Variants in CCDC178 observed in about 807,000 individuals in gnomAD.
CCDC178 encodes coiled-coil domain-containing protein 178.
Under a neutral mutation model 117.4 loss-of-function variants are expected in CCDC178, and 126 were observed. The observed-to-expected ratio is 1.07, with a 90% CI of 0.93 to 1.24. The LOEUF (loss-of-function observed/expected upper bound fraction) is 1.24. Among genes scored for constraint, CCDC178 ranks in the 50% most tolerant of loss-of-function variants. The pLI is 0.00. For synonymous variants in CCDC178, 283 were observed against 313.4 expected (o/e 0.90, Z 1.02); for missense variants, 1,030 against 986.9 (o/e 1.04, Z -0.59).
At chr18:33,362,748 G>C (rs1268034594) in intron 6 of CCDC178, among the ~76,000 whole-genome samples, 2 of 151,926 alleles carry the variant, frequency 1.3e-5, no homozygotes, top group African/African-American at 4.8e-5. Context: ...ATTGGTAGTT[G>C]CAAGACTTGG....
At chr18:33,243,669 T>G (rs747517384) in intron 15 of CCDC178, among the ~76,000 whole-genome samples, 1 of 150,680 alleles carries the variant, frequency 6.6e-6, no homozygotes, top group South Asian at 2.1e-4. Flanking sequence ...TTTAGAAAAA[T>G]AAATAATCCA....
At chr18:33,402,851 C>G (rs2063727292) in intron 3 of CCDC178, among the ~76,000 whole-genome samples, 1 of 152,322 alleles carries the variant, frequency 6.6e-6, no homozygotes, top group East Asian at 1.9e-4. Flanking sequence ...AGCTGCTGCA[C>G]CGCCATGCCT....
chr18:32,959,663 A>T (rs1333464763), intron 22 of CCDC178, among the ~76,000 whole-genome samples: 1 of 152,058 alleles, frequency 6.6e-6, no homozygotes, highest in Non-Finnish European at 1.5e-5. Context: ...CTTTTGGATG[A>T]AAAATCATGT....
chr18:33,146,223 C>T (rs902209245), intron 20 of CCDC178, among the ~76,000 whole-genome samples: 4 of 152,150 alleles, frequency 2.6e-5, no homozygotes, highest in Admixed American at 6.5e-5. Context: ...TTGGTTACTG[C>T]TAGCTGTGTT....
chr18:33,207,041 G>T (rs2144574677), intron 20 of CCDC178, among the ~76,000 whole-genome samples: 1 of 152,230 alleles, frequency 6.6e-6, no homozygotes, highest in Admixed American at 6.5e-5. Flanking sequence ...CTCTCAGGCT[G>T]GAGTTTCATG....
chr18:33,104,727 A>T (rs571293020), intron 20 of CCDC178, among the ~76,000 whole-genome samples: 1 of 151,844 alleles, frequency 6.6e-6, no homozygotes, highest in South Asian at 2.1e-4. Flanking sequence ...TTAAACATAG[A>T]TGGTGTAATT....
At chr18:33,280,847 G>A (rs145245008) in intron 12 of CCDC178, among the ~76,000 whole-genome samples, 10,515 of 151,878 alleles carry the variant, frequency 0.069, 551 homozygotes, top group African/African-American at 0.14. Flanking sequence ...GTAAACTATC[G>A]CAAGGACAAA....
intron 20 of CCDC178, among the ~76,000 whole-genome samples, chr18:33,157,755 G>C (rs989560693): frequency 6.6e-6 from 1 of 151,990 alleles, no homozygotes; most frequent in African/African-American, 2.4e-5. Context: ...GCATTTCATG[G>C]TTTAAATATT....
chr18:33,353,305 G>A (rs2063002967), intron 7 of CCDC178, among the ~76,000 whole-genome samples: 1 of 151,836 alleles, frequency 6.6e-6, no homozygotes, highest in Admixed American at 6.6e-5. Flanking sequence ...TGTATCTCAG[G>A]TGAGACTCTC....
intron 21 of CCDC178, among the ~76,000 whole-genome samples, chr18:33,044,528 A>G (rs2056607368): frequency 6.6e-6 from 1 of 152,178 alleles, no homozygotes; most frequent in Non-Finnish European, 1.5e-5. Context: ...AACAAAAAAA[A>G]CAGATGTTGA....
rs1452975067 is a variant in CCDC178, at chr18:33,294,772, G to A, written c.1023-1460C>T. 3.9e-5 allele frequency among the ~76,000 whole-genome samples: 6 copies of A among 152,084 alleles called. No individual in the cohort carries two copies. The East Asian group carries it at 9.6e-4, about 24-fold the overall frequency. ...TTTGAAATTAGTTCTTCTTCTCTCA[G>A]TGTTATCTATTGCCTCCAGTCCAGA... On this transcript the variant is annotated intron_variant, in intron 11 of 22. Coordinates refer to ENST00000383096, the MANE Select transcript of CCDC178 (RefSeq NM_001105528.4).
At chr18:33,218,952 T>C (rs918172465) in intron 18 of CCDC178, among the ~76,000 whole-genome samples, 2 of 152,156 alleles carry the variant, frequency 1.3e-5, no homozygotes, top group African/African-American at 4.8e-5. Context: ...TTTGGTTCCA[T>C]ATGAACTTTA....
chr18:33,389,659 T>C (rs374584307), intron 4 of CCDC178, 30 bp from the exon 5 acceptor site: 8 of 1,178,076 alleles, frequency 6.8e-6, no homozygotes, highest in East Asian at 2.7e-5. Context: ...CATATTTTAG[T>C]GAGTAGTTAA....
intron 5 of CCDC178, among the ~76,000 whole-genome samples, chr18:33,383,231 G>A (rs2063457838): frequency 6.6e-6 from 1 of 152,140 alleles, no homozygotes; most frequent in South Asian, 2.1e-4. Flanking sequence ...TCATTTCCCT[G>A]GGAAAGAGCA....
chr18:33,329,208 C>G (rs1192774808), intron 10 of CCDC178, among the ~76,000 whole-genome samples: 1 of 151,936 alleles, frequency 6.6e-6, no homozygotes, highest in Non-Finnish European at 1.5e-5. Context: ...TTGGTATTTT[C>G]TATATGTTAG....
chr18:33,389,963 A>G (rs1183081260), intron 4 of CCDC178, among the ~76,000 whole-genome samples: 1 of 150,288 alleles, frequency 6.7e-6, no homozygotes, highest in African/African-American at 2.4e-5. Flanking sequence ...CTTTGTCATC[A>G]TTTTTTAAAA....
intron 20 of CCDC178, among the ~76,000 whole-genome samples, chr18:33,207,525 G>C (rs183601198): frequency 0.013 from 2,002 of 149,132 alleles, 27 homozygotes; most frequent in Middle Eastern, 0.059. Flanking sequence ...TTTTCCAGTG[G>C]GAATGGAAAA....
intron 18 of CCDC178, among the ~76,000 whole-genome samples, chr18:33,222,875 T>A (rs2059254261): frequency 6.6e-6 from 1 of 152,062 alleles, no homozygotes; most frequent in African/African-American, 2.4e-5. Context: ...TTATCCTGAT[T>A]AGGAGCTATG....
At chr18:33,115,483 A>G (rs918618563) in intron 20 of CCDC178, among the ~76,000 whole-genome samples, 2 of 152,032 alleles carry the variant, frequency 1.3e-5, no homozygotes, top group Non-Finnish European at 2.9e-5. Context: ...GATCACTATA[A>G]TGTTCTGTGA....
Sources: allele counts gnomAD v4.1 joint callset (sites outside exome capture counted in the v4.1 genomes callset), GRCh38; gene constraint gnomAD v4.1.1; transcripts MANE v1.5; gene names NCBI Gene and HGNC (gene_info 2026-07-23, HGNC 2026-07-21).